The following TEKT5 variants were observed in gnomAD, a reference collection of about 807,000 sequenced individuals.
TEKT5 encodes the protein tektin 5.
A neutral mutation model predicts 48.7 loss-of-function variants in TEKT5; 52 were observed. That is an observed-to-expected ratio of 1.07 (90% CI 0.86 to 1.35). TEKT5 has a LOEUF of 1.35. TEKT5 is among the 40% of genes most tolerant of loss of function. The pLI, the probability that TEKT5 is intolerant of heterozygous loss-of-function variation, is 0.00. For synonymous variants in TEKT5, 318 were observed against 267.6 expected (o/e 1.19, Z -1.84); for missense variants, 831 against 641.6 (o/e 1.30, Z -3.19).
intron 5 of TEKT5, among the ~76,000 whole-genome samples, chr16:10,639,164 A>C (rs1202066302): frequency 1.3e-5 from 2 of 151,540 alleles, no homozygotes; most frequent in African/African-American, 4.9e-5. Context: ...AAAGTTAGCC[A>C]GGCATGGTGG....
At chr16:10,690,803 C>A (rs945846045) in intron 1 of TEKT5, 3 of 984,914 alleles carry the variant, frequency 3.0e-6, no homozygotes, top group African/African-American at 1.7e-5. Flanking sequence ...AGCAAACCAG[C>A]CCGTGATGTC....
intron 5 of TEKT5, among the ~76,000 whole-genome samples, chr16:10,661,703 A>G (rs1188475200): frequency 6.6e-6 from 1 of 152,188 alleles, no homozygotes; most frequent in African/African-American, 2.4e-5. Flanking sequence ...GGCCAGTGGT[A>G]TTCGGATTCC....
chr16:10,636,438 C>T (rs373126007), intron 5 of TEKT5, among the ~76,000 whole-genome samples: 1 of 151,654 alleles, frequency 6.6e-6, no homozygotes, highest in Admixed American at 6.6e-5. Context: ...GTCACCGGGG[C>T]ACTGTGGACA....
chr16:10,661,261 C>T (rs891185741), intron 5 of TEKT5, among the ~76,000 whole-genome samples: 18 of 152,104 alleles, frequency 1.2e-4, no homozygotes, highest in Non-Finnish European at 2.4e-4. Context: ...CACAATCCCC[C>T]AAAGCTGTCC....
intron 3 of TEKT5, among the ~76,000 whole-genome samples, chr16:10,683,602 T>TAGAA (rs1898798718): frequency 6.6e-6 from 1 of 152,238 alleles, no homozygotes; most frequent in African/African-American, 2.4e-5. Context: ...ATTAATTAAT[T>TAGAA]TTTTTGAGAT....
chr16:10,641,692 C>T (rs1041403778), intron 5 of TEKT5, among the ~76,000 whole-genome samples: 3 of 152,134 alleles, frequency 2.0e-5, no homozygotes, highest in Non-Finnish European at 2.9e-5. Context: ...CATGGTGATG[C>T]GCGCCTGTAG....
At position 10,689,415 on chromosome 16, in the gene TEKT5, C is replaced by T. The variant is rs960408983; in HGVS notation, c.649-92G>A. ...AGCCCTCAGCTCTCCCCTCCCCTCT[C>T]ACTGACCACCCTCGACCCCAGGAGG... On this transcript the variant is annotated intron_variant, in intron 2 of 6. Coordinates refer to ENST00000283025, the MANE Select transcript of TEKT5 (RefSeq NM_144674.2). The T allele has an allele frequency of 4.2e-5, 47 of 1,116,244 alleles. No homozygotes were observed. The Admixed American group carries it at 8.9e-4, about 21-fold the overall frequency. 69.1% of individuals were successfully genotyped at this position (1,116,244 alleles called of 1,614,324 possible). A position where few individuals can be genotyped will look rare whatever the true frequency, so the allele number is the denominator to read the frequency against.
At chr16:10,662,280 C>T (rs1247746109) in intron 5 of TEKT5, among the ~76,000 whole-genome samples, 1 of 152,170 alleles carries the variant, frequency 6.6e-6, no homozygotes, top group Non-Finnish European at 1.5e-5. Flanking sequence ...GCAAAATCAC[C>T]TTGTTTGAGA....
At chr16:10,661,579 GAGGACTCAC>G (rs563288998) in intron 5 of TEKT5, among the ~76,000 whole-genome samples, 3 of 152,338 alleles carry the variant, frequency 2.0e-5, no homozygotes, top group African/African-American at 7.2e-5. Flanking sequence ...TGAGAGACAG[GAGGACTCAC>G]ACCCAGGCAG....
intron 5 of TEKT5, among the ~76,000 whole-genome samples, chr16:10,641,359 T>C (rs1431372952): frequency 6.6e-6 from 1 of 152,102 alleles, no homozygotes; most frequent in African/African-American, 2.4e-5. Flanking sequence ...TCTCCTCCCA[T>C]GGTCCCCAAG....
At chr16:10,643,402 T>C (rs941034639) in intron 5 of TEKT5, among the ~76,000 whole-genome samples, 1 of 151,636 alleles carries the variant, frequency 6.6e-6, no homozygotes, top group African/African-American at 2.4e-5. Flanking sequence ...AAGTAAAATA[T>C]AAATATAAAA....
intron 5 of TEKT5, among the ~76,000 whole-genome samples, chr16:10,644,640 C>A (rs1453394331): frequency 6.6e-6 from 1 of 152,162 alleles, no homozygotes; most frequent in Non-Finnish European, 1.5e-5. Context: ...ATGGGGGCAC[C>A]AGGAAATGGC....
chr16:10,658,512 T>A (rs1442293734), intron 5 of TEKT5, among the ~76,000 whole-genome samples: 1 of 152,098 alleles, frequency 6.6e-6, no homozygotes, highest in Non-Finnish European at 1.5e-5. Context: ...TACTGCATGA[T>A]TCTATCAATA....
In TEKT5 at chr16:10,627,577, C is replaced by G; in HGVS notation, c.*6G>C. On this transcript the variant is annotated 3_prime_UTR_variant, in exon 7 of 7. Transcript: ENST00000283025. Reference sequence around the variant, plus strand: ...GCCAGCGCGGAATGAGGCGCCAGGGCGGTGCTCAGGTGTGGCCCACCAGGC... The same window carrying G: ...GCCAGCGCGGAATGAGGCGCCAGGGGGGTGCTCAGGTGTGGCCCACCAGGC... The G allele has an allele frequency of 6.2e-7, 1 of 1,613,898 alleles. No individual in the cohort carries two copies. The highest frequency in any genetic ancestry group is 8.5e-7 in the Non-Finnish European group (1 of 1,179,786).
intron 1 of TEKT5, among the ~76,000 whole-genome samples, chr16:10,690,297 T>G (rs1223888499): frequency 6.6e-6 from 1 of 152,124 alleles, no homozygotes; most frequent in Non-Finnish European, 1.5e-5. Flanking sequence ...CAATTTTGAT[T>G]CCCATAATTG....
chr16:10,673,880 G>C (rs1191585014), intron 5 of TEKT5, among the ~76,000 whole-genome samples: 1 of 151,870 alleles, frequency 6.6e-6, no homozygotes, highest in Non-Finnish European at 1.5e-5. Flanking sequence ...TCGAACTCCT[G>C]ACCTCAAGTA....
chr16:10,672,363 G>A (rs1023016782), intron 5 of TEKT5, among the ~76,000 whole-genome samples: 3 of 152,046 alleles, frequency 2.0e-5, no homozygotes, highest in African/African-American at 7.2e-5. Context: ...GATCACTTGA[G>A]CCCAGGGAAC....
chr16:10,692,397 G>T (rs1898995555), intron 1 of TEKT5, among the ~76,000 whole-genome samples: 1 of 152,142 alleles, frequency 6.6e-6, no homozygotes, highest in Non-Finnish European at 1.5e-5. Flanking sequence ...CCGGAGGCAG[G>T]ATCTCTCCTA....
chr16:10,688,580 T>C (rs1407382112), intron 3 of TEKT5, among the ~76,000 whole-genome samples: 1 of 152,164 alleles, frequency 6.6e-6, no homozygotes, highest in Non-Finnish European at 1.5e-5. Flanking sequence ...CAGCGTGCCC[T>C]GAAAGAGTCA....
Sources: allele counts gnomAD v4.1 joint callset (sites outside exome capture counted in the v4.1 genomes callset), GRCh38; gene constraint gnomAD v4.1.1; transcripts MANE v1.5; gene names NCBI Gene and HGNC (gene_info 2026-07-23, HGNC 2026-07-21).